MLLT3: variants seen among roughly 807,000 people sequenced by gnomAD.
MLLT3 encodes protein AF-9.
Under a neutral mutation model 53.2 loss-of-function variants are expected in MLLT3, and 4 were observed. The ratio of observed to expected loss-of-function variants is 0.08; its 90% CI spans 0.04 to 0.17. The LOEUF (loss-of-function observed/expected upper bound fraction) is 0.17, where lower values mean the gene tolerates loss of function less well. MLLT3 is among the 10% of genes least tolerant of loss of function. The pLI, the probability that MLLT3 is intolerant of heterozygous loss-of-function variation, is 1.00. For missense variants in MLLT3, 569 were observed against 684.0 expected (o/e 0.83, Z 1.87); for synonymous variants, 283 against 230.6 (o/e 1.23, Z -2.06).
At chr9:20,385,808 T>C (rs1434125666) in intron 5 of MLLT3, among the ~76,000 whole-genome samples, 3 of 152,188 alleles carry the variant, frequency 2.0e-5, no homozygotes, top group African/African-American at 4.8e-5. Flanking sequence ...ATACCACTAA[T>C]TGACAGATGA....
intron 2 of MLLT3, among the ~76,000 whole-genome samples, chr9:20,468,406 A>T (rs1824289166): frequency 6.6e-6 from 1 of 152,226 alleles, no homozygotes. Flanking sequence ...TCCACCACTA[A>T]AGGTACTATT....
chr9:20,429,583 C>T (rs113527673), intron 4 of MLLT3, among the ~76,000 whole-genome samples: 3,297 of 152,108 alleles, frequency 0.022, 56 homozygotes, highest in Middle Eastern at 0.034. Flanking sequence ...TAGACCAAAA[C>T]CACATTGGGT....
intron 2 of MLLT3, among the ~76,000 whole-genome samples, chr9:20,578,177 C>T (rs1819703403): frequency 6.6e-6 from 1 of 152,190 alleles, no homozygotes; most frequent in Admixed American, 6.5e-5. Flanking sequence ...CTACAGTCAG[C>T]TCTTCTGCTG....
chr9:20,588,093 T>C (rs1820024330), intron 2 of MLLT3, among the ~76,000 whole-genome samples: 1 of 152,076 alleles, frequency 6.6e-6, no homozygotes, highest in African/African-American at 2.4e-5. Context: ...ATTTATTAAA[T>C]AGGGAATCCT....
At chr9:20,439,896 C>G (rs1823501969) in intron 4 of MLLT3, among the ~76,000 whole-genome samples, 1 of 152,104 alleles carries the variant, frequency 6.6e-6, no homozygotes, top group African/African-American at 2.4e-5. Flanking sequence ...TTAACACATA[C>G]TTATTTCAAA....
intron 2 of MLLT3, among the ~76,000 whole-genome samples, chr9:20,578,893 G>T (rs924635596): frequency 6.6e-6 from 1 of 152,050 alleles, no homozygotes; most frequent in African/African-American, 2.4e-5. Flanking sequence ...GATATATTCA[G>T]TTAAATAAAT....
chr9:20,551,469 A>G (rs148806243), intron 2 of MLLT3, among the ~76,000 whole-genome samples: 37 of 152,322 alleles, frequency 2.4e-4, no homozygotes, highest in African/African-American at 8.4e-4. Context: ...GTCCAGAAGC[A>G]TATCTTCTAA....
chr9:20,437,638 G>C (rs973648972), intron 4 of MLLT3, among the ~76,000 whole-genome samples: 3 of 152,112 alleles, frequency 2.0e-5, no homozygotes, highest in African/African-American at 7.2e-5. Flanking sequence ...AGTAGTTCTA[G>C]CCCTGGCCCT....
Position 20,479,314 on chromosome 9 carries a change from C to G in MLLT3, c.194-22528G>C, listed in dbSNP as rs748244515. On this transcript the variant is annotated intron_variant, in intron 2 of 10. Coordinates refer to ENST00000380338, the MANE Select transcript of MLLT3 (RefSeq NM_004529.4). ...CAAGGCAATTACTGTGAAGGGGTAT[C>G]TTTTAAGCACTAGAACTATTTCTCT... 3.9e-4 allele frequency among the ~76,000 whole-genome samples: 60 copies of G among 152,246 alleles called. 1 individual carries two copies. The highest frequency in any genetic ancestry group is 7.2e-4 in the Admixed American group (11 of 15,282).
chr9:20,596,517 T>C (rs1820271356), intron 2 of MLLT3, among the ~76,000 whole-genome samples: 1 of 151,978 alleles, frequency 6.6e-6, no homozygotes, highest in African/African-American at 2.4e-5. Context: ...TGGTGAGACC[T>C]TGTCTCTACT....
At chr9:20,474,912 G>C (rs1451225911) in intron 2 of MLLT3, among the ~76,000 whole-genome samples, 1 of 152,008 alleles carries the variant, frequency 6.6e-6, no homozygotes, top group Non-Finnish European at 1.5e-5. Flanking sequence ...AAATATTGGA[G>C]GACTTTATTA....
chr9:20,424,282 G>A (rs1365222492), intron 4 of MLLT3, among the ~76,000 whole-genome samples: 1 of 152,140 alleles, frequency 6.6e-6, no homozygotes, highest in Non-Finnish European at 1.5e-5. Context: ...ATATTTTTAA[G>A]TTGATAAACT....
intron 2 of MLLT3, among the ~76,000 whole-genome samples, chr9:20,568,275 A>G (rs373155254): frequency 1.2e-3 from 180 of 152,274 alleles, no homozygotes; most frequent in Non-Finnish European, 2.1e-3. Context: ...ATAATTATTG[A>G]GGCTGAGTAC....
intron 2 of MLLT3, among the ~76,000 whole-genome samples, chr9:20,602,761 TACACACAC>T (rs3086486): frequency 0.023 from 3,412 of 147,276 alleles, 114 homozygotes; most frequent in African/African-American, 0.071. Flanking sequence ...TTAAGTTTGA[TACACACAC>T]ACACACACAC....
At chr9:20,532,468 T>A in intron 2 of MLLT3, 1 of 180,512 alleles carries the variant, frequency 5.5e-6, no homozygotes, top group Non-Finnish European at 1.1e-5. Context: ...GAGCCTACAT[T>A]TTCAACTTGT....
At chr9:20,521,947 T>C (rs1818073159) in intron 2 of MLLT3, among the ~76,000 whole-genome samples, 1 of 149,494 alleles carries the variant, frequency 6.7e-6, no homozygotes, top group African/African-American at 2.4e-5. Context: ...TAATAGGAAC[T>C]AAAGGGAGAC....
intron 2 of MLLT3, among the ~76,000 whole-genome samples, chr9:20,524,153 T>C (rs982539690): frequency 6.6e-6 from 1 of 152,024 alleles, no homozygotes; most frequent in African/African-American, 2.4e-5. Context: ...CCATAAAGTA[T>C]ACAACAGCAA....
intron 2 of MLLT3, among the ~76,000 whole-genome samples, chr9:20,480,859 T>G (rs369447908): frequency 1.3e-5 from 2 of 152,168 alleles, no homozygotes; most frequent in African/African-American, 4.8e-5. Flanking sequence ...TGACCACCTA[T>G]AAAATGCTAG....
chr9:20,438,709 A>G (rs79740965), intron 4 of MLLT3, among the ~76,000 whole-genome samples: 1,814 of 152,286 alleles, frequency 0.012, 38 homozygotes, highest in African/African-American at 0.041. Context: ...TGCTGGGATT[A>G]TAAGCATGAC....
Sources: allele counts gnomAD v4.1 joint callset (sites outside exome capture counted in the v4.1 genomes callset), GRCh38; gene constraint gnomAD v4.1.1; transcripts MANE v1.5; gene names NCBI Gene and HGNC (gene_info 2026-07-23, HGNC 2026-07-21).